PELI2: variants seen among roughly 807,000 people sequenced by gnomAD.
The protein encoded by PELI2 is pellino E3 ubiquitin protein ligase family member 2.
A neutral mutation model predicts 42.3 loss-of-function variants in PELI2; 23 were observed. That is an observed-to-expected ratio of 0.54 (90% CI 0.39 to 0.77). The LOEUF (loss-of-function observed/expected upper bound fraction) is 0.77, where lower values mean the gene tolerates loss of function less well. Among genes scored for constraint, PELI2 ranks in the 30% least tolerant of loss-of-function variants. The probability of loss-of-function intolerance (pLI) is 0.00; values close to 1 mark genes in which losing one functional copy is unlikely to be tolerated. For synonymous variants in PELI2, 245 were observed against 212.2 expected (o/e 1.15, Z -1.34); for missense variants, 463 against 553.2 (o/e 0.84, Z 1.64).
At chr14:56,234,822 G>T (rs552795432) in intron 2 of PELI2, among the ~76,000 whole-genome samples, 6 of 152,172 alleles carry the variant, frequency 3.9e-5, no homozygotes, top group Admixed American at 2.6e-4. Flanking sequence ...AGGAAAACTG[G>T]AAATGAAGGT....
chr14:56,118,881 G>A (rs1882951636), intron 1 of PELI2, 144 bp downstream of exon 1: 7 of 458,096 alleles, frequency 1.5e-5, no homozygotes, highest in South Asian at 9.6e-5. Context: ...GGGCCCGGAC[G>A]GCGGCGCGGG....
chr14:56,276,979 A>G (rs970814210), intron 2 of PELI2, among the ~76,000 whole-genome samples: 3 of 152,180 alleles, frequency 2.0e-5, no homozygotes, highest in Non-Finnish European at 4.4e-5. Flanking sequence ...TGCTTTCGCT[A>G]TAAATACCCT....
chr14:56,186,966 A>G (rs560184600), intron 2 of PELI2, among the ~76,000 whole-genome samples: 4 of 152,326 alleles, frequency 2.6e-5, no homozygotes, highest in African/African-American at 9.6e-5. Flanking sequence ...ATGGAGGAAA[A>G]GAATCTTCTG....
intron 1 of PELI2, among the ~76,000 whole-genome samples, chr14:56,122,888 C>T (rs976802441): frequency 6.6e-6 from 1 of 152,096 alleles, no homozygotes; most frequent in Non-Finnish European, 1.5e-5. Context: ...TAAGTGATTC[C>T]AATTGTAATC....
At chr14:56,119,475 GCCCT>G (rs974850582) in intron 1 of PELI2, among the ~76,000 whole-genome samples, 9 of 152,220 alleles carry the variant, frequency 5.9e-5, no homozygotes, top group Non-Finnish European at 1.2e-4. Context: ...CCTCGCTGAT[GCCCT>G]CCCGGCTGCG....
At chr14:56,246,097 G>A (rs936526330) in intron 2 of PELI2, among the ~76,000 whole-genome samples, 1 of 152,128 alleles carries the variant, frequency 6.6e-6, no homozygotes, top group African/African-American at 2.4e-5. Flanking sequence ...GACTTCAGGA[G>A]TAATCTACTT....
intron 2 of PELI2, among the ~76,000 whole-genome samples, chr14:56,253,624 C>T (rs181680268): frequency 6.6e-6 from 1 of 152,174 alleles, no homozygotes; most frequent in African/African-American, 2.4e-5. Context: ...AATAAAATAC[C>T]TAGGAATACA....
intron 2 of PELI2, among the ~76,000 whole-genome samples, chr14:56,193,461 A>G (rs972596505): frequency 1.3e-5 from 2 of 152,214 alleles, no homozygotes; most frequent in South Asian, 2.1e-4. Flanking sequence ...AAGGGCCTAC[A>G]GAAGGAATAG....
chr14:56,164,958 A>G (rs1594600624), intron 1 of PELI2, among the ~76,000 whole-genome samples: 1 of 132,550 alleles, frequency 7.5e-6, no homozygotes, highest in African/African-American at 2.6e-5. Context: ...AGGTTTGTCA[A>G]TTTTGTTGGT....
intron 2 of PELI2, among the ~76,000 whole-genome samples, chr14:56,201,180 A>G (rs150821110): frequency 3.3e-5 from 5 of 152,350 alleles, no homozygotes; most frequent in South Asian, 2.1e-4. Flanking sequence ...GGAACTGTAG[A>G]TAAGTACCGT....
At chr14:56,246,969 T>C (rs1294275626) in intron 2 of PELI2, among the ~76,000 whole-genome samples, 2 of 152,232 alleles carry the variant, frequency 1.3e-5, no homozygotes, top group African/African-American at 4.8e-5. Context: ...CATGTGGTAG[T>C]GTGATACGAG....
At chr14:56,253,554 T>C (rs1318135543) in intron 2 of PELI2, among the ~76,000 whole-genome samples, 1 of 152,034 alleles carries the variant, frequency 6.6e-6, no homozygotes, top group Non-Finnish European at 1.5e-5. Context: ...TATACACCAA[T>C]AACAGACAAA....
At chr14:56,190,166 AACATG>A (rs1885909055) in intron 2 of PELI2, among the ~76,000 whole-genome samples, 2 of 152,204 alleles carry the variant, frequency 1.3e-5, no homozygotes. Flanking sequence ...TGAAATCATG[AACATG>A]ACATACCACT....
At chr14:56,179,576 C>A (rs1293317159) in intron 2 of PELI2, among the ~76,000 whole-genome samples, 1 of 151,918 alleles carries the variant, frequency 6.6e-6, no homozygotes, top group Non-Finnish European at 1.5e-5. Context: ...GTAGATAAGC[C>A]AAAGCTAGAA....
intron 2 of PELI2, among the ~76,000 whole-genome samples, chr14:56,238,708 A>T (rs1483739413): frequency 1.3e-5 from 2 of 152,340 alleles, no homozygotes; most frequent in East Asian, 3.9e-4. Flanking sequence ...CATTACTAAG[A>T]TAGTTCGTGA....
At chr14:56,164,420 T>C (rs1285697545) in intron 1 of PELI2, among the ~76,000 whole-genome samples, 3 of 152,190 alleles carry the variant, frequency 2.0e-5, no homozygotes, top group African/African-American at 7.2e-5. Context: ...TTCTTTCTAA[T>C]GTATTGTTGA....
At chr14:56,235,345 A>C (rs140991623) in intron 2 of PELI2, among the ~76,000 whole-genome samples, 1 of 152,346 alleles carries the variant, frequency 6.6e-6, no homozygotes, top group Non-Finnish European at 1.5e-5. Flanking sequence ...AAATTTGGGG[A>C]CTTCCAGAGA....
intron 2 of PELI2, 60 bp downstream of exon 2, chr14:56,178,524 T>G: frequency 6.4e-7 from 1 of 1,563,670 alleles, no homozygotes; most frequent in Non-Finnish European, 8.8e-7. Context: ...CAGATACTCC[T>G]TGTCCGCTGC....
intron 1 of PELI2, among the ~76,000 whole-genome samples, chr14:56,173,818 G>A (rs1029804781): frequency 2.0e-5 from 3 of 152,146 alleles, no homozygotes; most frequent in South Asian, 2.1e-4. Flanking sequence ...AACAGTAATC[G>A]AGGATGATCT....
Sources: gnomAD v4.1 joint callset for allele counts (sites outside exome capture counted in the v4.1 genomes callset) on GRCh38, gnomAD v4.1.1 for gene constraint, MANE v1.5 for transcripts, NCBI Gene and HGNC (gene_info 2026-07-23, HGNC 2026-07-21) for gene names.